IFI44L: variants seen among roughly 807,000 people sequenced by gnomAD.
The protein encoded by IFI44L is interferon induced protein 44 like.
Under a neutral mutation model 39.3 loss-of-function variants are expected in IFI44L, and 40 were observed. The ratio of observed to expected loss-of-function variants is 1.02; its 90% CI spans 0.79 to 1.33. The LOEUF (loss-of-function observed/expected upper bound fraction) is 1.33, where lower values mean the gene tolerates loss of function less well. Ranked by LOEUF, IFI44L falls within the 40% of genes most tolerant of loss-of-function variation. The pLI is 0.00. For missense variants in IFI44L, 623 were observed against 549.0 expected (o/e 1.13, Z -1.35); for synonymous variants, 198 against 182.3 (o/e 1.09, Z -0.69).
At chr1:78,627,876 C>A in intron 1 of IFI44L, 30 bp from the exon 2 acceptor site, 1 of 1,299,436 alleles carries the variant, frequency 7.7e-7, no homozygotes, top group Non-Finnish European at 1.0e-6. Context: ...ATTATATAAG[C>A]TTCTCAACCT....
chr1:78,639,911 G>A (rs1653097929), intron 6 of IFI44L, among the ~76,000 whole-genome samples: 1 of 152,082 alleles, frequency 6.6e-6, no homozygotes, highest in Non-Finnish European at 1.5e-5. Flanking sequence ...TTTTTAAATA[G>A]TAGTAAACTT....
intron 5 of IFI44L, 138 bp from the exon 6 acceptor site, chr1:78,636,894 G>C: frequency 1.6e-6 from 1 of 620,368 alleles, no homozygotes; most frequent in Non-Finnish European, 2.8e-6. Context: ...TAAAGAGGAG[G>C]TGCTACTGTT....
chr1:78,627,121 T>A (rs1652521671), intron 1 of IFI44L: 1 of 152,078 alleles, frequency 6.6e-6, no homozygotes, highest in Admixed American at 6.6e-5. Context: ...CAGATACACG[T>A]CAGAAATGTG....
intron 4 of IFI44L, among the ~76,000 whole-genome samples, chr1:78,634,713 A>C (rs966706566): frequency 6.6e-6 from 1 of 152,120 alleles, no homozygotes; most frequent in Non-Finnish European, 1.5e-5. Context: ...GATGTTTAAA[A>C]GACAAAACTG....
At chr1:78,636,462 C>A (rs915032170) in intron 5 of IFI44L, among the ~76,000 whole-genome samples, 2 of 152,056 alleles carry the variant, frequency 1.3e-5, no homozygotes, top group African/African-American at 4.8e-5. Flanking sequence ...TGTTTCCAAA[C>A]CATTGTTTCA....
At chr1:78,625,579 T>C (rs2100476251) in intron 1 of IFI44L, 1 of 152,204 alleles carries the variant, frequency 6.6e-6, no homozygotes, top group South Asian at 2.1e-4. Flanking sequence ...TTTTGAAAAC[T>C]GGGTTTTGGT....
At chr1:78,640,996 T>A (rs1365920878) in intron 6 of IFI44L, 25 bp from the exon 7 acceptor site, 1 of 1,493,038 alleles carries the variant, frequency 6.7e-7, no homozygotes, top group African/African-American at 1.4e-5. Flanking sequence ...TGATATAAAA[T>A]AACTGATTTA....
intron 4 of IFI44L, among the ~76,000 whole-genome samples, chr1:78,632,807 A>G (rs1040952448): frequency 6.6e-6 from 1 of 152,228 alleles, no homozygotes; most frequent in Non-Finnish European, 1.5e-5. Flanking sequence ...TTTAATCCAG[A>G]CATTAAAGAG....
intron 5 of IFI44L, chr1:78,635,815 T>A (rs1249665121): frequency 3.8e-6 from 1 of 260,112 alleles, no homozygotes; most frequent in Non-Finnish European, 7.3e-6. Context: ...TTGGGTTACA[T>A]AGACAAAATA....
chr1:78,634,388 T>G (rs1652862911), intron 4 of IFI44L, among the ~76,000 whole-genome samples: 1 of 152,056 alleles, frequency 6.6e-6, no homozygotes, highest in Admixed American at 6.6e-5. Flanking sequence ...TAGCAGAAAC[T>G]CTGCAGGCCA....
At chr1:78,640,988 A>G in intron 6 of IFI44L, 33 bp from the exon 7 acceptor site, 1 of 1,439,160 alleles carries the variant, frequency 6.9e-7, no homozygotes, top group Non-Finnish European at 9.8e-7. Context: ...GCTATTTATG[A>G]TATAAAATAA....
chr1:78,633,629 C>T (rs958522886), intron 4 of IFI44L, among the ~76,000 whole-genome samples: 17 of 152,148 alleles, frequency 1.1e-4, no homozygotes, highest in Admixed American at 8.5e-4. Context: ...TAAGTACCTA[C>T]TTCCAGAGAT....
At chr1:78,635,985 A>G (rs1234108049) in intron 5 of IFI44L, 1 of 150,250 alleles carries the variant, frequency 6.7e-6, no homozygotes, top group East Asian at 2.0e-4. Context: ...TTTTTTTTTC[A>G]GGTGTGAAAT....
At chr1:78,629,957 T>C (rs1418955071) in intron 4 of IFI44L, 42 bp downstream of exon 4, 1 of 1,509,892 alleles carries the variant, frequency 6.6e-7, no homozygotes, top group East Asian at 2.3e-5. Flanking sequence ...AGATTACAAT[T>C]ATTATATTGC....
intron 1 of IFI44L, among the ~76,000 whole-genome samples, chr1:78,625,468 C>A (rs1652450740): frequency 6.6e-6 from 1 of 151,992 alleles, no homozygotes; most frequent in Admixed American, 6.6e-5. Context: ...TCATTTATTG[C>A]ATCTGGACTG....
intron 5 of IFI44L, 191 bp downstream of exon 5, chr1:78,635,680 GAAAT>G: frequency 1.7e-6 from 1 of 582,202 alleles, no homozygotes; most frequent in Non-Finnish European, 3.0e-6. Flanking sequence ...GTAACATTGA[GAAAT>G]AAAGCCAAAA....
rs780081220 is a variant in IFI44L, at chr1:78,641,466, C to T, written c.1181C>T (p.Pro394Leu). The change falls in exon 8 of 9, where the codon CCT becomes CTT. Residue 394 changes from proline (P) to leucine (L), a missense_variant. Coordinates refer to ENST00000370751, the MANE Select transcript of IFI44L (RefSeq NM_006820.4). ...AATGTCCATAAAATGCTAGGCATTC[C>T]TATTTCCAATATTTTGATGGTTGGA... ...VMNVHKMLGI[P>L]ISNILMVGNY... 6.8e-6 allele frequency: 11 copies of T among 1,613,410 alleles called. No homozygotes were observed. The highest frequency in any genetic ancestry group is 9.3e-6 in the Non-Finnish European group (11 of 1,179,622).
Position 78,635,403 on chromosome 1 carries a change from A to G in IFI44L, c.790A>G (p.Met264Val), listed in dbSNP as rs1652908099. Residue 264 changes from methionine to valine, a missense_variant, in exon 5 of 9, where the codon ATG (methionine) becomes GTG (valine). Met to Val is a conservative substitution (Grantham distance 21). Transcript: ENST00000370751. ...TCTGCCATTTATGTTGTGTGACACT[A>G]TGGGGCTAGATGGGGCAGAAGGAGC... The part of the protein sequence containing the change: ...KSLPFMLCDT[M>V]GLDGAEGAGL... The G allele has an allele frequency of 2.5e-6, 4 of 1,612,948 alleles. No individual in the cohort carries two copies. Among genetic ancestry groups the G allele is most frequent in the Admixed American group, 3.3e-5 (2 of 59,982 alleles).
chr1:78,628,171 T>G lies in IFI44L; in HGVS notation c.256T>G (p.Ser86Ala). ...AGAGCCAAATGATTCCCTATGGTTT[T>G]CACTTCAAAAGAAAAATGACACCAC... ...STEPNDSLWF[S>A]LQKKNDTTEI... The change falls in exon 2 of 9, where the codon TCA becomes GCA. Residue 86 changes from serine to alanine, a missense_variant. Physicochemically the swap from Ser to Ala is moderately conservative, Grantham distance 99. Transcript: ENST00000370751. The G allele has an allele frequency of 2.5e-6, 4 of 1,612,708 alleles. No homozygotes were observed. Among genetic ancestry groups the G allele is most frequent in the Non-Finnish European group, 3.4e-6 (4 of 1,179,320 alleles).
Sources: gnomAD v4.1 joint callset for allele counts (sites outside exome capture counted in the v4.1 genomes callset) on GRCh38, gnomAD v4.1.1 for gene constraint, MANE v1.5 for transcripts, NCBI Gene and HGNC (gene_info 2026-07-23, HGNC 2026-07-21) for gene names.